CDH4: variants seen among roughly 807,000 people sequenced by gnomAD.
CDH4 encodes cadherin-4.
Under a neutral mutation model 86.0 loss-of-function variants are expected in CDH4, and 33 were observed. The observed-to-expected ratio is 0.38, with a 90% CI of 0.29 to 0.51. The LOEUF is 0.51. Among genes scored for constraint, CDH4 ranks in the 20% least tolerant of loss-of-function variants. The probability of loss-of-function intolerance (pLI) is 0.86; values close to 1 mark genes in which losing one functional copy is unlikely to be tolerated. For missense variants in CDH4, 1,114 were observed against 1,307.4 expected (o/e 0.85, Z 2.28); for synonymous variants, 555 against 549.4 (o/e 1.01, Z -0.14).
chr20:61,403,688 C>A (rs1370812883), intron 2 of CDH4, among the ~76,000 whole-genome samples: 2 of 152,198 alleles, frequency 1.3e-5, no homozygotes, highest in African/African-American at 4.8e-5. Flanking sequence ...GCTGTGCTCA[C>A]CTCTTGTGTT....
At chr20:61,401,431 C>T (rs6121452) in intron 2 of CDH4, among the ~76,000 whole-genome samples, 76,293 of 151,776 alleles carry the variant, frequency 0.5, 20,199 homozygotes, top group African/African-American at 0.67. Flanking sequence ...GATTGCACCC[C>T]ACCCTACCAT....
chr20:61,488,092 G>A (rs182807307), intron 2 of CDH4, among the ~76,000 whole-genome samples: 2 of 152,326 alleles, frequency 1.3e-5, no homozygotes, highest in Admixed American at 1.3e-4. Context: ...TATTTGTCTT[G>A]TATGACGCCA....
intron 2 of CDH4, among the ~76,000 whole-genome samples, chr20:61,484,914 C>A (rs1026799682): frequency 6.6e-6 from 1 of 152,186 alleles, no homozygotes; most frequent in Non-Finnish European, 1.5e-5. Flanking sequence ...AAAGCAGATT[C>A]AATATGTTCA....
intron 2 of CDH4, among the ~76,000 whole-genome samples, chr20:61,280,515 C>T (rs551592891): frequency 2.6e-5 from 4 of 152,326 alleles, no homozygotes; most frequent in South Asian, 2.1e-4. Context: ...CCCACTCTCA[C>T]GAATCTTCCT....
chr20:61,551,175 A>T (rs1442450300), intron 2 of CDH4, among the ~76,000 whole-genome samples: 3 of 152,048 alleles, frequency 2.0e-5, no homozygotes, highest in Non-Finnish European at 4.4e-5. Flanking sequence ...TGGGCACTCA[A>T]TAATCAGTAG....
At chr20:61,620,931 C>T (rs368215827) in intron 2 of CDH4, among the ~76,000 whole-genome samples, 6 of 152,236 alleles carry the variant, frequency 3.9e-5, no homozygotes, top group African/African-American at 1.2e-4. Flanking sequence ...GCTTCTTCCA[C>T]GCGGGAAGGT....
intron 4 of CDH4, among the ~76,000 whole-genome samples, chr20:61,809,868 TG>T (rs1359310479): frequency 1.3e-5 from 2 of 150,414 alleles, no homozygotes; most frequent in African/African-American, 4.9e-5. Flanking sequence ...CAGCGGGGGG[TG>T]GGGGTCACTG....
rs1202265294 is a variant in CDH4, at chr20:61,754,807, C to T, written c.396+11018C>T. ...CACACACTGCACGCCACACACACCACACACACGATGCATGCCACACACCAC... is the reference window on the plus strand; with the variant it reads ...CACACACTGCACGCCACACACACCATACACACGATGCATGCCACACACCAC... On this transcript the variant is annotated intron_variant, in intron 3 of 15. Coordinates refer to ENST00000614565, the MANE Select transcript of CDH4 (RefSeq NM_001794.5). The surrounding 1 kb of genome is among the most constrained non-coding windows in gnomAD (Gnocchi z 4.7). 6.7e-6 allele frequency among the ~76,000 whole-genome samples: 1 copy of T among 150,364 alleles called. No homozygotes were observed. The highest frequency in any genetic ancestry group is 1.5e-5 in the Non-Finnish European group (1 of 67,542).
chr20:61,873,392 C>T (rs1042428264), intron 6 of CDH4, among the ~76,000 whole-genome samples: 3 of 152,232 alleles, frequency 2.0e-5, no homozygotes, highest in Non-Finnish European at 4.4e-5. Flanking sequence ...TCAGGCCACC[C>T]GGCTCCAGGC....
At chr20:61,737,898 G>A (rs569147419) in intron 2 of CDH4, among the ~76,000 whole-genome samples, 231 of 152,356 alleles carry the variant, frequency 1.5e-3, no homozygotes, top group African/African-American at 5.5e-3. Context: ...GCTGTGGTTG[G>A]TGTTTGCACC....
intron 2 of CDH4, among the ~76,000 whole-genome samples, chr20:61,383,456 TATGAA>T (rs2084923544): frequency 3.5e-5 from 1 of 28,240 alleles, no homozygotes; most frequent in Non-Finnish European, 6.8e-5. Context: ...TATTCATATA[TATGAA>T]GATATATATG....
intron 2 of CDH4, among the ~76,000 whole-genome samples, chr20:61,302,617 T>A (rs1334099149): frequency 6.6e-6 from 1 of 152,100 alleles, no homozygotes; most frequent in Non-Finnish European, 1.5e-5. Flanking sequence ...GACTGGTTGG[T>A]GCCTCCCATG....
intron 11 of CDH4, among the ~76,000 whole-genome samples, chr20:61,926,656 A>G (rs1409157706): frequency 6.6e-6 from 1 of 152,190 alleles, no homozygotes; most frequent in Non-Finnish European, 1.5e-5. Flanking sequence ...GTGGATCATG[A>G]GGTCAGGAGT....
chr20:61,815,198 C>G (rs1980650121), intron 4 of CDH4, among the ~76,000 whole-genome samples: 1 of 152,124 alleles, frequency 6.6e-6, no homozygotes, highest in African/African-American at 2.4e-5. Flanking sequence ...GGTGGCTGAG[C>G]TACGTACGAA....
intron 2 of CDH4, among the ~76,000 whole-genome samples, chr20:61,266,492 A>G (rs1017350497): frequency 2.0e-5 from 3 of 151,802 alleles, no homozygotes; most frequent in African/African-American, 7.3e-5. Flanking sequence ...TGCCATCTAT[A>G]TTGATGTGCC....
intron 2 of CDH4, among the ~76,000 whole-genome samples, chr20:61,599,343 A>G (rs2064549): frequency 0.96 from 146,248 of 152,258 alleles, 70,293 homozygotes; most frequent in East Asian, 1. Context: ...AAGAGGGGGC[A>G]CGCTGGATGG....
intron 2 of CDH4, among the ~76,000 whole-genome samples, chr20:61,507,726 T>C (rs1194689462): frequency 1.3e-5 from 2 of 152,164 alleles, no homozygotes; most frequent in African/African-American, 2.4e-5. Flanking sequence ...TGTGGGATCC[T>C]GGGACGGGAA....
At chr20:61,802,997 G>A (rs925383341) in intron 4 of CDH4, among the ~76,000 whole-genome samples, 2 of 152,246 alleles carry the variant, frequency 1.3e-5, no homozygotes, top group African/African-American at 4.8e-5. Context: ...AGGAGGCGGC[G>A]TGTCTACCTT....
At chr20:61,608,559 T>A (rs73917304) in intron 2 of CDH4, among the ~76,000 whole-genome samples, 6,052 of 152,330 alleles carry the variant, frequency 0.04, 375 homozygotes, top group African/African-American at 0.13. Flanking sequence ...TTGTTCTTCC[T>A]ACTTGATCCT....
Sources: allele counts gnomAD v4.1 joint callset (sites outside exome capture counted in the v4.1 genomes callset), GRCh38; gene constraint gnomAD v4.1.1; non-coding constraint Gnocchi (gnomAD v3.1); transcripts MANE v1.5; gene names NCBI Gene and HGNC (gene_info 2026-07-23, HGNC 2026-07-21).